Variants in CCDC60 observed in about 807,000 individuals in gnomAD.
CCDC60 encodes the protein coiled-coil domain-containing protein 60.
A neutral mutation model predicts 63.5 loss-of-function variants in CCDC60; 54 were observed. The ratio of observed to expected loss-of-function variants is 0.85; its 90% CI spans 0.68 to 1.07. CCDC60 has a LOEUF of 1.07. CCDC60 is among the 50% of genes least tolerant of loss of function. The pLI is 0.00. For missense variants in CCDC60, 651 were observed against 684.3 expected, an observed-to-expected ratio of 0.95 and a Z score of 0.54; for synonymous variants, 206 against 238.8, an observed-to-expected ratio of 0.86 and a Z score of 1.27.
chr12:119,486,107 A>G (rs1469702511), intron 4 of CCDC60, among the ~76,000 whole-genome samples: 1 of 152,202 alleles, frequency 6.6e-6, no homozygotes, highest in Non-Finnish European at 1.5e-5. Context: ...TGAGGTGCTC[A>G]TGGCCCAGTG....
In CCDC60 at chr12:119,460,865, T is replaced by C. The variant is rs138913988; in HGVS notation, c.171-11129T>C. 3.9e-5 allele frequency among the ~76,000 whole-genome samples: 6 copies of C among 152,240 alleles called. No individual in the cohort carries two copies. In the East Asian group the frequency reaches 7.7e-4, roughly 20 times the overall value. On this transcript the variant is annotated intron_variant, in intron 2 of 13. Transcript: ENST00000327554. ...AATCTGCCACAGATGGTGCTTTGGA[T>C]TGGGTAAAAACATGGTCTAAAGGGG...
intron 1 of CCDC60, among the ~76,000 whole-genome samples, chr12:119,423,393 T>C (rs1956847543): frequency 6.6e-6 from 1 of 152,226 alleles, no homozygotes; most frequent in South Asian, 2.1e-4. Context: ...TTACTTGCTT[T>C]CACTCTCATT....
intron 1 of CCDC60, among the ~76,000 whole-genome samples, chr12:119,395,265 TG>T (rs1465333105): frequency 1.2e-4 from 19 of 152,212 alleles, no homozygotes; most frequent in African/African-American, 4.6e-4. Flanking sequence ...TGTGTATTAG[TG>T]CATTATTGCA....
intron 1 of CCDC60, among the ~76,000 whole-genome samples, chr12:119,360,666 G>A (rs1955776911): frequency 6.6e-6 from 1 of 151,886 alleles, no homozygotes; most frequent in South Asian, 2.1e-4. Context: ...CGGCGGGGCA[G>A]AGACACTCCT....
chr12:119,435,533 C>T (rs1950308934), intron 2 of CCDC60, among the ~76,000 whole-genome samples: 1 of 152,172 alleles, frequency 6.6e-6, no homozygotes, highest in Non-Finnish European at 1.5e-5. Context: ...ACCTGTCTTG[C>T]AAATCCCCAG....
rs12303183 is a variant in CCDC60, at chr12:119,391,256, T to C, written c.91-37427T>C. ...AGTGTGACTTCTTTTTCCAAGTATG[T>C]GTCTATGTGTATGTGTGTGTGTGTC... is the stretch of plus-strand genomic sequence containing the variant. On this transcript the variant is annotated intron_variant, in intron 1 of 13. Transcript: ENST00000327554. Among the ~76,000 whole-genome samples the C allele has an allele frequency of 9.9e-3, 1,510 of 152,300 alleles. 21 individuals carry two copies. Among genetic ancestry groups the C allele is most frequent in the African/African-American group, 0.035 (1,463 of 41,548 alleles).
intron 2 of CCDC60, among the ~76,000 whole-genome samples, chr12:119,451,035 A>T (rs1950625546): frequency 6.6e-6 from 1 of 152,022 alleles, no homozygotes; most frequent in Non-Finnish European, 1.5e-5. Flanking sequence ...CAGGGGAGAG[A>T]TGATGACAGC....
chr12:119,379,015 T>C (rs1311281886), intron 1 of CCDC60, among the ~76,000 whole-genome samples: 6 of 152,212 alleles, frequency 3.9e-5, no homozygotes, highest in Non-Finnish European at 7.3e-5. Flanking sequence ...ACAGCTTTAT[T>C]CAGTAGTTCT....
intron 2 of CCDC60, among the ~76,000 whole-genome samples, chr12:119,431,239 A>G (rs1342220780): frequency 1.3e-5 from 2 of 152,238 alleles, no homozygotes; most frequent in African/African-American, 4.8e-5. Context: ...TATAACTGAA[A>G]TCAGTATCCC....
At chr12:119,501,822 C>G (rs2136418981) in intron 6 of CCDC60, among the ~76,000 whole-genome samples, 1 of 152,268 alleles carries the variant, frequency 6.6e-6, no homozygotes, top group East Asian at 1.9e-4. Context: ...GTTTGTGGGT[C>G]AAATCCTGGG....
intron 1 of CCDC60, among the ~76,000 whole-genome samples, chr12:119,387,693 T>C (rs1381281272): frequency 1.3e-5 from 2 of 152,360 alleles, no homozygotes; most frequent in Non-Finnish European, 2.9e-5. Flanking sequence ...TCACAACTTC[T>C]TAAAACTTAA....
intron 1 of CCDC60, among the ~76,000 whole-genome samples, chr12:119,395,177 A>T (rs1182840344): frequency 1.3e-5 from 2 of 152,078 alleles, no homozygotes; most frequent in African/African-American, 4.8e-5. Flanking sequence ...GTCATGAATG[A>T]CTCTATAGAA....
intron 1 of CCDC60, among the ~76,000 whole-genome samples, chr12:119,363,737 G>A (rs1315503130): frequency 6.6e-6 from 1 of 152,142 alleles, no homozygotes; most frequent in Non-Finnish European, 1.5e-5. Flanking sequence ...TTCTTGTAGT[G>A]CAGACCTGCT....
chr12:119,527,838 G>A (rs189340720), intron 11 of CCDC60, among the ~76,000 whole-genome samples: 4 of 151,448 alleles, frequency 2.6e-5, no homozygotes, highest in Admixed American at 6.6e-5. Flanking sequence ...CACCACGCCC[G>A]GCTAATTTTT....
chr12:119,450,538 C>T (rs1950610899), intron 2 of CCDC60, among the ~76,000 whole-genome samples: 1 of 152,102 alleles, frequency 6.6e-6, no homozygotes, highest in Non-Finnish European at 1.5e-5. Context: ...AGCAGAATAT[C>T]TGGTATTGCT....
intron 1 of CCDC60, among the ~76,000 whole-genome samples, chr12:119,347,598 G>A (rs1955610365): frequency 6.6e-6 from 1 of 152,140 alleles, no homozygotes; most frequent in Admixed American, 6.5e-5. Context: ...ACCAAGGGTA[G>A]CTCCACATAG....
intron 2 of CCDC60, among the ~76,000 whole-genome samples, chr12:119,464,445 C>G (rs774470720): frequency 6.8e-6 from 1 of 147,664 alleles, no homozygotes. Context: ...TCTTCTTTTT[C>G]CAGAGAAGAA....
At chr12:119,335,298 T>A (rs1163730439) in intron 1 of CCDC60, 32 bp downstream of exon 1, 1 of 1,501,074 alleles carries the variant, frequency 6.7e-7, no homozygotes, top group Non-Finnish European at 9.1e-7. Flanking sequence ...ACCAATCATG[T>A]TTTCGAGAAC....
intron 1 of CCDC60, among the ~76,000 whole-genome samples, chr12:119,413,283 T>G (rs571826911): frequency 2.0e-5 from 3 of 152,316 alleles, no homozygotes. Flanking sequence ...AATTTCCATT[T>G]CAATCAAGTG....
Sources: allele counts gnomAD v4.1 joint callset (sites outside exome capture counted in the v4.1 genomes callset), GRCh38; gene constraint gnomAD v4.1.1; transcripts MANE v1.5; gene names NCBI Gene and HGNC (gene_info 2026-07-23, HGNC 2026-07-21).